Variants in EMC8 observed in about 807,000 individuals in gnomAD.
EMC8 encodes the protein ER membrane protein complex subunit 8.
Under a neutral mutation model 24.3 loss-of-function variants are expected in EMC8, and 11 were observed. The ratio of observed to expected loss-of-function variants is 0.45; its 90% confidence interval spans 0.28 to 0.75. The LOEUF is 0.75. Among genes scored for constraint, EMC8 ranks in the 30% least tolerant of loss-of-function variants. The probability of loss-of-function intolerance (pLI) is 0.12; values close to 1 mark genes in which losing one functional copy is unlikely to be tolerated. For missense variants in EMC8, 277 were observed against 282.7 expected (o/e 0.98, Z 0.14); for synonymous variants, 145 against 117.7 (o/e 1.23, Z -1.50).
At position 85,781,284 on chromosome 16, in the gene EMC8, T is replaced by C; in HGVS notation, c.309-4A>G. ...CTTCTCTGCAACCTGGTTTGGACTG[T>C]CAAAGAAATAGGCTACCACATTCCA... On this transcript the variant is annotated splice_region_variant and splice_polypyrimidine_tract_variant and intron_variant, in intron 2 of 4. Transcript: ENST00000253457. 1 of 1,459,144 alleles carries C rather than the reference T, an allele frequency of 6.9e-7. No individual in the cohort carries two copies. The allele number at this position is 1,459,144 out of a possible 1,614,324, so 90.4% of individuals were successfully genotyped here. A position where few individuals can be genotyped will look rare whatever the true frequency, so the allele number is the denominator to read the frequency against.
At chr16:85,787,491 T>A (rs1228121144) in intron 2 of EMC8, 1 of 152,260 alleles carries the variant, frequency 6.6e-6, no homozygotes, top group Non-Finnish European at 1.5e-5. Flanking sequence ...CCACGCCTAG[T>A]CTTTCATGTA....
rs757850605 is a variant in EMC8, at chr16:85,788,965, T to C, written c.308+9A>G. The C allele has an allele frequency of 3.1e-6, 5 of 1,603,722 alleles. No individual in the cohort carries two copies. ...TTCCTCGCCCACAGAGGGTTCTGCATCCACGTACCTGGCATCCTTTACTCG... is the reference window on the plus strand; with the variant it reads ...TTCCTCGCCCACAGAGGGTTCTGCACCCACGTACCTGGCATCCTTTACTCG... On this transcript the variant is annotated intron_variant, in intron 2 of 4. Transcript: ENST00000253457.
chr16:85,780,912 G>A (rs972776989), intron 3 of EMC8: 9 of 481,998 alleles, frequency 1.9e-5, no homozygotes, highest in African/African-American at 7.8e-5. Context: ...CTAAACCCCC[G>A]CATTTCTGAT....
At chr16:85,780,345 G>C in intron 4 of EMC8, 34 bp downstream of exon 4, 2 of 1,553,972 alleles carry the variant, frequency 1.3e-6, no homozygotes, top group South Asian at 1.1e-5. Flanking sequence ...CGCTGAAGGA[G>C]CCCAGCCCGC....
At chr16:85,798,905 A>C (rs1017107202) in intron 1 of EMC8, 160 bp downstream of exon 1, 1 of 581,494 alleles carries the variant, frequency 1.7e-6, no homozygotes. Flanking sequence ...CAGCGCCAAG[A>C]CCCAAGCGCC....
chr16:85,779,664 C>T lies in EMC8; in HGVS notation c.*44G>A, dbSNP rs753634686. On this transcript the variant is annotated 3_prime_UTR_variant, in exon 5 of 5. Coordinates refer to ENST00000253457, the MANE Select transcript of EMC8 (RefSeq NM_006067.5). The stretch of plus-strand genomic sequence containing the variant: ...ACATTTAAAAATAGGTTTTCTTCTT[C>T]AACGTAGTGGAAAGGCCCGGAGCCC... 5.7e-6 allele frequency: 9 copies of T among 1,587,908 alleles called. No homozygotes were observed. The South Asian group carries it at 7.7e-5, about 14-fold the overall frequency.
At chr16:85,797,802 A>T (rs1026045166) in intron 1 of EMC8, among the ~76,000 whole-genome samples, 4 of 152,238 alleles carry the variant, frequency 2.6e-5, no homozygotes, top group Admixed American at 1.3e-4. Context: ...TCAATTAGCT[A>T]CTATTTTTTA....
In EMC8 at chr16:85,799,041, G is replaced by C. The variant is rs776497546; in HGVS notation, c.231+24C>G. On this transcript the variant is annotated intron_variant, in intron 1 of 4. Transcript: ENST00000253457. This position sits in a 1 kb window ranked among gnomAD's most constrained non-coding sequence, Gnocchi z 4.2. ...AGGGGAGGCCAGGCTGCCTGCAAGGGGAAGGGGCCCTTTCCGCGCTTACCA... is the reference window on the plus strand; with the variant it reads ...AGGGGAGGCCAGGCTGCCTGCAAGGCGAAGGGGCCCTTTCCGCGCTTACCA... The C allele has an allele frequency of 1.4e-6, 2 of 1,476,642 alleles. No individual in the cohort carries two copies. Among genetic ancestry groups the C allele is most frequent in the African/African-American group, 2.8e-5 (2 of 71,704 alleles). The allele number at this position is 1,476,642 out of a possible 1,614,324, so 91.5% of individuals were successfully genotyped here.
intron 2 of EMC8, among the ~76,000 whole-genome samples, chr16:85,784,160 A>G (rs1271144014): frequency 1.3e-5 from 2 of 151,902 alleles, no homozygotes; most frequent in Admixed American, 1.3e-4. Context: ...CACCACGCCC[A>G]GCTAATTTTT....
rs549382735 is a variant in EMC8 at position 85,793,507 on chromosome 16, G to T, written c.232-4457C>A. Among the ~76,000 whole-genome samples, 4 of 152,294 alleles carry T rather than the reference G, an allele frequency of 2.6e-5. No homozygotes were observed. In the East Asian group the frequency reaches 7.7e-4, roughly 29 times the overall value. ...GAAGTTCAGGGGGAAGAACTCAAAG[G>T]GGGAACCACAGCATCCCTCTCCCCA... is the stretch of plus-strand genomic sequence containing the variant. On this transcript the variant is annotated intron_variant, in intron 1 of 4. Transcript: ENST00000253457.
At chr16:85,798,404 C>T (rs1006832087) in intron 1 of EMC8, among the ~76,000 whole-genome samples, 3 of 152,046 alleles carry the variant, frequency 2.0e-5, no homozygotes, top group African/African-American at 7.2e-5. Context: ...TTACAGGGGT[C>T]AGCCACCGCG....
At chr16:85,791,377 G>A (rs1905004083) in intron 1 of EMC8, among the ~76,000 whole-genome samples, 1 of 152,240 alleles carries the variant, frequency 6.6e-6, no homozygotes, top group South Asian at 2.1e-4. Flanking sequence ...AGGTATCCAT[G>A]TGTCATGCTG....
At position 85,779,580 on chromosome 16, in the gene EMC8, G is replaced by A. The variant is rs1201031850; in HGVS notation, c.*128C>T. 3.2e-6 allele frequency: 3 copies of A among 944,858 alleles called. No homozygotes were observed. Among genetic ancestry groups the A allele is most frequent in the South Asian group, 1.5e-5 (1 of 65,636 alleles). The allele number at this position is 944,858 out of a possible 1,614,324, so 58.5% of individuals were successfully genotyped here. On this transcript the variant is annotated 3_prime_UTR_variant, in exon 5 of 5. Transcript: ENST00000253457. ...GACTGAACATTCTGCCCCCTTTCAA[G>A]GCACATGCCACTTCTTAAAACGGTC...
At chr16:85,780,265 G>T (rs113544190) in intron 4 of EMC8, 114 bp downstream of exon 4, 22 of 758,268 alleles carry the variant, frequency 2.9e-5, no homozygotes, top group Non-Finnish European at 4.5e-5. Context: ...AATATGCTTG[G>T]TATCATGCTT....
In EMC8 at chr16:85,789,190, A is replaced by T. The variant is rs1904892333; in HGVS notation, c.232-140T>A. The T allele has an allele frequency of 4.6e-6, 3 of 654,146 alleles. No individual in the cohort carries two copies. The Admixed American group carries it at 7.8e-5, about 17-fold the overall frequency. The allele number at this position is 654,146 out of a possible 1,614,324, so 40.5% of individuals were successfully genotyped here. On this transcript the variant is annotated intron_variant, in intron 1 of 4. Coordinates refer to ENST00000253457, the MANE Select transcript of EMC8 (RefSeq NM_006067.5). Reference sequence around the variant, plus strand: ...CCTCATACCCTACACCCCAGAAGAAAGGGTAGGACTCAGGAAAAAATGGTC... The same window carrying T: ...CCTCATACCCTACACCCCAGAAGAATGGGTAGGACTCAGGAAAAAATGGTC...
intron 1 of EMC8, among the ~76,000 whole-genome samples, chr16:85,790,127 G>A (rs1904936665): frequency 6.6e-6 from 1 of 151,976 alleles, no homozygotes; most frequent in Admixed American, 6.6e-5. Context: ...GTCTGCACAA[G>A]AGGAAACAAA....
At chr16:85,785,478 C>T (rs1021729980) in intron 2 of EMC8, among the ~76,000 whole-genome samples, 5 of 151,992 alleles carry the variant, frequency 3.3e-5, no homozygotes, top group African/African-American at 9.7e-5. Flanking sequence ...CCTGAGACAG[C>T]AGAATACTTT....
intron 2 of EMC8, chr16:85,781,581 C>A (rs984365429): frequency 3.1e-5 from 8 of 260,786 alleles, no homozygotes; most frequent in Non-Finnish European, 5.9e-5. Flanking sequence ...GCACAGGCCA[C>A]CACACCCAGT....
Position 85,799,390 on chromosome 16 carries a change from AGGC to A in EMC8, c.-98_-96del. On this transcript the variant is annotated 5_prime_UTR_variant, in exon 1 of 5. Coordinates refer to ENST00000253457, the MANE Select transcript of EMC8 (RefSeq NM_006067.5). This position sits in a 1 kb window ranked among gnomAD's most constrained non-coding sequence, Gnocchi z 4.2. ...GGCGCCTCAGCCGAGAAGCGGGACG[AGGC>A]GGCGGCGATTGATGGCGCGGCCGCG... is the stretch of plus-strand genomic sequence containing the variant. 2 of 747,140 alleles carry A rather than the reference AGGC, an allele frequency of 2.7e-6. No individual in the cohort carries two copies. The highest frequency in any genetic ancestry group is 3.8e-6 in the Non-Finnish European group (2 of 520,752). The allele number at this position is 747,140 out of a possible 1,614,324, so 46.3% of individuals were successfully genotyped here.
Sources: gnomAD v4.1 joint callset for allele counts (sites outside exome capture counted in the v4.1 genomes callset) on GRCh38, gnomAD v4.1.1 for gene constraint, Gnocchi (gnomAD v3.1) non-coding constraint, MANE v1.5 for transcripts, NCBI Gene and HGNC (gene_info 2026-07-23, HGNC 2026-07-21) for gene names.